DEFB121: variants seen among roughly 807,000 people sequenced by gnomAD.
The protein encoded by DEFB121 is beta-defensin 121.
DEFB121 carries 5 observed loss-of-function variants against 2.5 expected under a neutral mutation model. The ratio of observed to expected loss-of-function variants is 1.96; its 90% CI spans 1.03 to 4.13. DEFB121 has a LOEUF of 4.13. Among genes scored for constraint, DEFB121 ranks in the 30% most tolerant of loss-of-function variants. The probability of loss-of-function intolerance (pLI) is 0.00; values close to 1 mark genes in which losing one functional copy is unlikely to be tolerated. For synonymous variants in DEFB121, 39 were observed against 32.6 expected (o/e 1.20, Z -0.67); for missense variants, 87 against 85.0 (o/e 1.02, Z -0.09).
rs569553971 is a variant in DEFB121, at chr20:31,412,313, G to A, written n.217+309C>T. ...TTGGGCTTTTTTCTTTGATTTATTT[G>A]AAGTGACGTTTGACAATCTATCACT... On this transcript the variant is annotated intron_variant and non_coding_transcript_variant, in intron 1 of 1. Coordinates refer to the DEFB121 transcript ENST00000376312. Among the ~76,000 whole-genome samples the A allele has an allele frequency of 2.0e-5, 3 of 152,252 alleles. No homozygotes were observed. In the South Asian group the frequency reaches 6.2e-4, roughly 32 times the overall value.
upstream of DEFB121, among the ~76,000 whole-genome samples, chr20:31,408,270 T>A (rs1378519782): frequency 3.9e-5 from 6 of 151,938 alleles, no homozygotes; most frequent in Non-Finnish European, 4.4e-5. Flanking sequence ...ATAACGAGAC[T>A]CCATCTCTAC....
chr20:31,411,575 A>T (rs1432624062), intron 1 of DEFB121, among the ~76,000 whole-genome samples: 2 of 152,142 alleles, frequency 1.3e-5, no homozygotes, highest in Admixed American at 6.6e-5. Context: ...AGCAAAAAAA[A>T]AAAAGAAAGC....
chr20:31,413,631 G>C (rs1978722816), upstream of DEFB121, among the ~76,000 whole-genome samples: 1 of 152,176 alleles, frequency 6.6e-6, no homozygotes, highest in African/African-American at 2.4e-5. Context: ...GGAAAAGAGA[G>C]CTCTAGAGAG....
upstream of DEFB121, among the ~76,000 whole-genome samples, chr20:31,414,236 G>C (rs961124571): frequency 6.0e-5 from 9 of 149,142 alleles, no homozygotes; most frequent in Non-Finnish European, 8.9e-5. Flanking sequence ...GAAGGAAAGA[G>C]AGAAAGGAAG....
upstream of DEFB121, chr20:31,406,297 A>G: frequency 7.0e-7 from 1 of 1,425,886 alleles, no homozygotes; most frequent in Non-Finnish European, 9.2e-7. Context: ...GGGAACAGTC[A>G]TTTGAGATCA....
At chr20:31,407,855 G>A (rs1555828848), upstream of DEFB121, among the ~76,000 whole-genome samples, 2 of 152,126 alleles carry the variant, frequency 1.3e-5, no homozygotes, top group Non-Finnish European at 2.9e-5. Context: ...TCAGCTCATT[G>A]CAACCTCTGC....
intron 1 of DEFB121, chr20:31,412,538 C>G: frequency 9.8e-7 from 1 of 1,022,932 alleles, no homozygotes; most frequent in Non-Finnish European, 1.3e-6. Flanking sequence ...TTAGGTGATG[C>G]TTGTAAAGCT....
chr20:31,410,200 TC>T (rs1477714408), upstream of DEFB121, among the ~76,000 whole-genome samples: 1 of 152,174 alleles, frequency 6.6e-6, no homozygotes, highest in Non-Finnish European at 1.5e-5. Flanking sequence ...GGAAATCACA[TC>T]CTTTGCAGCA....
chr20:31,417,609 G>T (rs1416334077), upstream of DEFB121, among the ~76,000 whole-genome samples: 15 of 152,050 alleles, frequency 9.9e-5, no homozygotes, highest in Admixed American at 7.9e-4. Context: ...ACATGAGTTT[G>T]CAGATTGACA....
chr20:31,415,527 G>C (rs1978782175), upstream of DEFB121, among the ~76,000 whole-genome samples: 1 of 152,126 alleles, frequency 6.6e-6, no homozygotes, highest in Admixed American at 6.5e-5. Context: ...TGGGATTACA[G>C]GAGTGAGCTA....
chr20:31,409,177 C>A (rs1978586368), upstream of DEFB121, among the ~76,000 whole-genome samples: 1 of 152,128 alleles, frequency 6.6e-6, no homozygotes, highest in African/African-American at 2.4e-5. Flanking sequence ...CTTGGTATCT[C>A]CACTTTGGAA....
chr20:31,413,007 C>A (rs1164255189), upstream of DEFB121, among the ~76,000 whole-genome samples: 1 of 152,154 alleles, frequency 6.6e-6, no homozygotes, highest in Non-Finnish European at 1.5e-5. Flanking sequence ...TTTACTGTTA[C>A]CAAATCTTTC....
At chr20:31,411,793 C>T (rs1978673325) in intron 1 of DEFB121, among the ~76,000 whole-genome samples, 1 of 152,170 alleles carries the variant, frequency 6.6e-6, no homozygotes, top group Non-Finnish European at 1.5e-5. Context: ...GTTACCTGGA[C>T]CTAAGTCCAA....
At chr20:31,414,331 C>T (rs1302860809), upstream of DEFB121, among the ~76,000 whole-genome samples, 1 of 152,104 alleles carries the variant, frequency 6.6e-6, no homozygotes, top group Non-Finnish European at 1.5e-5. Context: ...GATTATATGA[C>T]CCAGCCATTC....
upstream of DEFB121, among the ~76,000 whole-genome samples, chr20:31,408,710 A>G (rs537054389): frequency 3.9e-5 from 6 of 152,308 alleles, no homozygotes; most frequent in East Asian, 9.7e-4. Context: ...CTCTAAATGA[A>G]ATTTGATTGT....
At chr20:31,418,278 A>AAAAAAAG in the DEFB121 span, among the ~76,000 whole-genome samples, 1 of 137,780 alleles carries the variant, frequency 7.3e-6, no homozygotes, top group Non-Finnish European at 1.6e-5. Context: ...AAAAAAAAAA[A>AAAAAAAG]AAAAGAAAAA....
upstream of DEFB121, among the ~76,000 whole-genome samples, chr20:31,407,044 G>A (rs571160147): frequency 7.2e-5 from 11 of 152,138 alleles, 1 homozygote; most frequent in South Asian, 2.3e-3. Flanking sequence ...TCAGGAGATC[G>A]AGACCATCCT....
upstream of DEFB121, among the ~76,000 whole-genome samples, chr20:31,409,157 T>C (rs1449440146): frequency 6.6e-6 from 1 of 152,178 alleles, no homozygotes; most frequent in African/African-American, 2.4e-5. Context: ...ACAAAATTAT[T>C]GCTGATTTTC....
upstream of DEFB121, among the ~76,000 whole-genome samples, chr20:31,407,573 T>C (rs1978523215): frequency 6.6e-6 from 1 of 152,090 alleles, no homozygotes; most frequent in African/African-American, 2.4e-5. Context: ...GACTCACAGA[T>C]CTACAGTGAG....
Sources: allele counts gnomAD v4.1 joint callset (sites outside exome capture counted in the v4.1 genomes callset), GRCh38; gene constraint gnomAD v4.1.1; transcripts MANE v1.5; gene names NCBI Gene and HGNC (gene_info 2026-07-23, HGNC 2026-07-21).